The following ANAPC7 variants were observed in gnomAD, a reference collection of about 807,000 sequenced individuals.
ANAPC7 encodes the protein anaphase-promoting complex subunit 7.
A neutral mutation model predicts 63.3 loss-of-function variants in ANAPC7; 25 were observed. That is an observed-to-expected ratio of 0.39 (90% confidence interval 0.29 to 0.55). The LOEUF (loss-of-function observed/expected upper bound fraction) is 0.55. Ranked by LOEUF, ANAPC7 falls within the 20% of genes least tolerant of loss-of-function variation. ANAPC7 has a pLI of 0.57. For missense variants in ANAPC7, 516 were observed against 691.7 expected, an observed-to-expected ratio of 0.75 and a Z score of 2.85; for synonymous variants, 241 against 251.7, an observed-to-expected ratio of 0.96 and a Z score of 0.40.
chr12:110,396,034 C>T (rs1883544126), intron 2 of ANAPC7, among the ~76,000 whole-genome samples: 2 of 152,108 alleles, frequency 1.3e-5, no homozygotes, highest in Non-Finnish European at 1.5e-5. Context: ...CAACCTAGAT[C>T]CTAGCATGTG....
At position 110,375,355 on chromosome 12, in the gene ANAPC7, C is replaced by T. The variant is rs1045725396; in HGVS notation, c.1508+711G>A. On this transcript the variant is annotated intron_variant, in intron 10 of 10. Coordinates refer to ENST00000455511, the MANE Select transcript of ANAPC7 (RefSeq NM_016238.3). ...CTCCAGTTGTCACTGAGATGCTAGG[C>T]ACACAAGTGGTGCTCAACTGTGTGC... 9.8e-6 allele frequency: 9 copies of T among 920,946 alleles called. No individual in the cohort carries two copies. The South Asian group carries it at 4.5e-4, about 46-fold the overall frequency. The allele number at this position is 920,946 out of a possible 1,614,324, so 57.0% of individuals were successfully genotyped here.
At chr12:110,388,027 C>G in intron 4 of ANAPC7, 135 bp from the exon 5 acceptor site, 1 of 917,610 alleles carries the variant, frequency 1.1e-6, no homozygotes, top group Non-Finnish European at 1.6e-6. Flanking sequence ...GAGAGAAAAA[C>G]CATAATTTAG....
At chr12:110,399,731 A>C (rs891127393) in intron 1 of ANAPC7, among the ~76,000 whole-genome samples, 5 of 150,116 alleles carry the variant, frequency 3.3e-5, no homozygotes, top group African/African-American at 1.2e-4. Flanking sequence ...TGGAGGTTGC[A>C]GTGAGCCAAG....
At chr12:110,378,360 T>C (rs2137921232) in intron 8 of ANAPC7, among the ~76,000 whole-genome samples, 1 of 152,286 alleles carries the variant, frequency 6.6e-6, no homozygotes, top group African/African-American at 2.4e-5. Flanking sequence ...TCCCAAAGTA[T>C]TAGGATTACA....
intron 1 of ANAPC7, among the ~76,000 whole-genome samples, chr12:110,399,317 G>A (rs1218522447): frequency 6.6e-6 from 1 of 150,672 alleles, no homozygotes; most frequent in African/African-American, 2.4e-5. Flanking sequence ...ACTGCGCCCA[G>A]CCGAGTCGAA....
At chr12:110,401,820 A>C (rs1433520008) in intron 1 of ANAPC7, among the ~76,000 whole-genome samples, 1 of 151,996 alleles carries the variant, frequency 6.6e-6, no homozygotes, top group Non-Finnish European at 1.5e-5. Flanking sequence ...AAAAATACAA[A>C]AAAATTAGCT....
chr12:110,377,078 A>G (rs1385380248), intron 9 of ANAPC7, among the ~76,000 whole-genome samples: 1 of 150,610 alleles, frequency 6.6e-6, no homozygotes, highest in African/African-American at 2.4e-5. Flanking sequence ...CGGAGGTTGC[A>G]GTGAGCTGAG....
chr12:110,384,791 T>C (rs1882307650), intron 6 of ANAPC7, among the ~76,000 whole-genome samples: 1 of 152,122 alleles, frequency 6.6e-6, no homozygotes. Context: ...TCCTGTGGTG[T>C]GATACACAGC....
intron 6 of ANAPC7, among the ~76,000 whole-genome samples, chr12:110,385,586 G>A (rs536814947): frequency 3.9e-5 from 6 of 152,192 alleles, no homozygotes; most frequent in Non-Finnish European, 7.3e-5. Context: ...AAGCACTTGA[G>A]GTGAGGGGAG....
At chr12:110,375,883 A>G in intron 10 of ANAPC7, 183 bp downstream of exon 10, 3 of 1,322,708 alleles carry the variant, frequency 2.3e-6, no homozygotes, top group Non-Finnish European at 2.9e-6. Flanking sequence ...TGTTGTTAAT[A>G]TATTTTAAGA....
chr12:110,389,800 C>T lies in ANAPC7; in HGVS notation c.409-1177G>A, dbSNP rs1272744586. Among the ~76,000 whole-genome samples the T allele has an allele frequency of 2.6e-5, 4 of 151,742 alleles. No homozygotes were observed. In the East Asian group the frequency reaches 5.9e-4, roughly 22 times the overall value. ...ACAAAAAATTAGCTGGGCGTGGTGG[C>T]GGGCGCCTGTAGTCCCAGCTACTCA... On this transcript the variant is annotated intron_variant, in intron 3 of 10. Transcript: ENST00000455511.
chr12:110,392,092 CAA>C (rs1283316509), intron 3 of ANAPC7, among the ~76,000 whole-genome samples: 2 of 14,846 alleles, frequency 1.3e-4, no homozygotes, highest in Non-Finnish European at 2.4e-4. Flanking sequence ...CTCCACCTCA[CAA>C]AAAAAAAAAA....
At chr12:110,387,528 T>A in intron 5 of ANAPC7, 1 of 440,826 alleles carries the variant, frequency 2.3e-6, no homozygotes, top group East Asian at 4.1e-5. Flanking sequence ...AGAGCTAAAC[T>A]CAGTCAGATT....
At chr12:110,378,361 T>C (rs1371499853) in intron 8 of ANAPC7, among the ~76,000 whole-genome samples, 1 of 152,166 alleles carries the variant, frequency 6.6e-6, no homozygotes, top group Non-Finnish European at 1.5e-5. Flanking sequence ...CCCAAAGTAT[T>C]AGGATTACAG....
At chr12:110,381,686 C>T in intron 8 of ANAPC7, 66 bp downstream of exon 8, 2 of 1,509,754 alleles carry the variant, frequency 1.3e-6, no homozygotes, top group Non-Finnish European at 1.8e-6. Flanking sequence ...CCTAATGAAA[C>T]CTTCCATCTG....
At chr12:110,388,252 GT>G (rs1882789612) in intron 4 of ANAPC7, among the ~76,000 whole-genome samples, 5 of 151,994 alleles carry the variant, frequency 3.3e-5, no homozygotes, top group Admixed American at 3.3e-4. Flanking sequence ...GCCCAGGCTG[GT>G]CTCGACCTGC....
intron 1 of ANAPC7, among the ~76,000 whole-genome samples, chr12:110,398,961 AAAAAC>A (rs2062182816): frequency 6.6e-6 from 1 of 152,172 alleles, no homozygotes; most frequent in African/African-American, 2.4e-5. Flanking sequence ...AAACAAAAAC[AAAAAC>A]AAGAAAAACA....
rs1383970168 is a variant in ANAPC7 at position 110,403,669 on chromosome 12, C to G, written c.-42G>C. 3 of 1,561,482 alleles carry G rather than the reference C, an allele frequency of 1.9e-6. No individual in the cohort carries two copies. Among genetic ancestry groups the G allele is most frequent in the African/African-American group, 1.4e-5 (1 of 73,702 alleles). ...GCGGGCAGCGGCGGCAGCACTGACT[C>G]GAAAAGCCGGTAGAGGATCCTTAGG... On this transcript the variant is annotated 5_prime_UTR_variant, in exon 1 of 11. Transcript: ENST00000455511.
At chr12:110,391,892 G>T (rs1592919609) in intron 3 of ANAPC7, among the ~76,000 whole-genome samples, 1 of 152,052 alleles carries the variant, frequency 6.6e-6, no homozygotes, top group East Asian at 1.9e-4. Context: ...GTCAGATCGA[G>T]ACCATCCTGG....
Sources: gnomAD v4.1 joint callset for allele counts (sites outside exome capture counted in the v4.1 genomes callset) on GRCh38, gnomAD v4.1.1 for gene constraint, MANE v1.5 for transcripts, NCBI Gene and HGNC (gene_info 2026-07-23, HGNC 2026-07-21) for gene names.